The following SFMBT2 variants were observed in gnomAD, a reference collection of about 807,000 sequenced individuals.
SFMBT2 encodes Scm like with four mbt domains 2, also known as scm-like with four MBT domains protein 2.
In SFMBT2, 38 loss-of-function variants were observed where a neutral mutation model predicts 110.1. That is an observed-to-expected ratio of 0.35 (90% CI 0.27 to 0.45). The LOEUF is 0.45. SFMBT2 is among the 20% of genes least tolerant of loss of function. The pLI is 1.00. For missense variants in SFMBT2, 1,011 were observed against 1,094.9 expected, an observed-to-expected ratio of 0.92 and a Z score of 1.08; for synonymous variants, 425 against 425.4, an observed-to-expected ratio of 1.00 and a Z score of 0.01.
chr10:7,381,169 A>G (rs1256746695), intron 2 of SFMBT2, among the ~76,000 whole-genome samples: 2 of 152,138 alleles, frequency 1.3e-5, no homozygotes, highest in Non-Finnish European at 2.9e-5. Flanking sequence ...TCTGTTTTTC[A>G]GATTTCTGGA....
At chr10:7,254,428 AG>A in intron 7 of SFMBT2, among the ~76,000 whole-genome samples, 1 of 152,304 alleles carries the variant, frequency 6.6e-6, no homozygotes, top group Non-Finnish European at 1.5e-5. Context: ...TTTTACTTCT[AG>A]CATATAAAAA....
intron 10 of SFMBT2, among the ~76,000 whole-genome samples, chr10:7,226,370 T>TTTGAC (rs1839895950): frequency 6.6e-6 from 1 of 152,230 alleles, no homozygotes; most frequent in South Asian, 2.1e-4. Flanking sequence ...AAACTCTGAT[T>TTTGAC]TTGACTTGCA....
chr10:7,406,003 T>A (rs139309137), intron 1 of SFMBT2, among the ~76,000 whole-genome samples: 3 of 151,694 alleles, frequency 2.0e-5, no homozygotes, highest in Non-Finnish European at 4.4e-5. Context: ...TGAGGCAACA[T>A]AGATATAAGA....
intron 7 of SFMBT2, among the ~76,000 whole-genome samples, chr10:7,271,028 T>C (rs556114276): frequency 1.3e-5 from 2 of 152,176 alleles, no homozygotes; most frequent in Non-Finnish European, 2.9e-5. Flanking sequence ...CTCACGCCTA[T>C]AAATCCAGCA....
chr10:7,404,697 A>G (rs1044866688), intron 1 of SFMBT2, among the ~76,000 whole-genome samples: 2 of 152,244 alleles, frequency 1.3e-5, no homozygotes, highest in African/African-American at 4.8e-5. Flanking sequence ...ATCTCATCAC[A>G]TGAATGGAAG....
rs748824308 is a variant in SFMBT2, at chr10:7,367,618, G to T, written c.436+31C>A. On this transcript the variant is annotated intron_variant, in intron 4 of 20. Transcript: ENST00000397167. The surrounding 1 kb of genome is among the most constrained non-coding windows in gnomAD (Gnocchi z 6.2). ...CAGGCGTCATGAAGGATGGCGGCTC[G>T]TAAATCGAAGCCTTTGAAACAGGGG... is the stretch of plus-strand genomic sequence containing the variant. 1.9e-6 allele frequency: 3 copies of T among 1,593,860 alleles called. No homozygotes were observed. Among genetic ancestry groups the T allele is most frequent in the South Asian group, 1.1e-5 (1 of 89,808 alleles).
chr10:7,253,575 T>G (rs1588387514), intron 7 of SFMBT2, among the ~76,000 whole-genome samples: 1 of 152,288 alleles, frequency 6.6e-6, no homozygotes, highest in East Asian at 1.9e-4. Context: ...AATGCATCTG[T>G]TTTTCCTTCC....
At chr10:7,206,809 G>T in intron 11 of SFMBT2, 1 of 941,730 alleles carries the variant, frequency 1.1e-6, no homozygotes, top group Non-Finnish European at 1.3e-6. Flanking sequence ...CAAATCAATA[G>T]TTAAGAAAAA....
chr10:7,312,714 T>C (rs980775318), intron 4 of SFMBT2, among the ~76,000 whole-genome samples: 2 of 152,250 alleles, frequency 1.3e-5, no homozygotes, highest in Non-Finnish European at 1.5e-5. Context: ...GTGATCTTCC[T>C]AAGGGGCGTT....
At chr10:7,180,757 T>A (rs750698596) in intron 16 of SFMBT2, among the ~76,000 whole-genome samples, 1 of 151,978 alleles carries the variant, frequency 6.6e-6, no homozygotes, top group Non-Finnish European at 1.5e-5. Flanking sequence ...GGCCGTCGCA[T>A]GTGGGGACAG....
intron 1 of SFMBT2, among the ~76,000 whole-genome samples, chr10:7,404,634 A>T (rs1846165115): frequency 6.6e-6 from 1 of 152,248 alleles, no homozygotes; most frequent in South Asian, 2.1e-4. Context: ...TGAGAAAGGA[A>T]TGAAACAGAA....
At chr10:7,341,353 T>C (rs997253122) in intron 4 of SFMBT2, among the ~76,000 whole-genome samples, 1 of 152,184 alleles carries the variant, frequency 6.6e-6, no homozygotes, top group South Asian at 2.1e-4. Context: ...ACCTACTACA[T>C]TTAAATCTAA....
At chr10:7,205,439 A>G (rs1839097708) in intron 12 of SFMBT2, 3 of 985,352 alleles carry the variant, frequency 3.0e-6, no homozygotes, top group Non-Finnish European at 3.6e-6. Context: ...ACCAATTAAG[A>G]TTCTGTTAGG....
intron 7 of SFMBT2, among the ~76,000 whole-genome samples, chr10:7,249,817 T>C (rs944078931): frequency 2.0e-5 from 3 of 152,302 alleles, no homozygotes; most frequent in Non-Finnish European, 2.9e-5. Context: ...TAAACGCCTA[T>C]AGAACTGCAT....
chr10:7,272,124 C>T (rs1841604692), intron 7 of SFMBT2, among the ~76,000 whole-genome samples: 2 of 152,184 alleles, frequency 1.3e-5, no homozygotes, highest in Admixed American at 1.3e-4. Flanking sequence ...TCAGCATGTC[C>T]AGGAAGGATG....
At chr10:7,393,035 A>ATATATATATAT (rs1491369242) in intron 1 of SFMBT2, among the ~76,000 whole-genome samples, 2 of 20,338 alleles carry the variant, frequency 9.8e-5, no homozygotes, top group Admixed American at 4.7e-4. Flanking sequence ...ATATATATAT[A>ATATATATATAT]ATTTTTTTTT....
chr10:7,358,385 A>ATGGAGG (rs1844594600), intron 4 of SFMBT2, among the ~76,000 whole-genome samples: 1 of 152,122 alleles, frequency 6.6e-6, no homozygotes, highest in South Asian at 2.1e-4. Flanking sequence ...TGGCCCTAGA[A>ATGGAGG]CATCTGCATG....
intron 4 of SFMBT2, among the ~76,000 whole-genome samples, chr10:7,289,218 T>C (rs1411430997): frequency 6.6e-6 from 1 of 152,136 alleles, no homozygotes; most frequent in Non-Finnish European, 1.5e-5. Flanking sequence ...GCATTTCCTA[T>C]CCCATTACAA....
At chr10:7,297,532 G>C (rs975839860) in intron 4 of SFMBT2, among the ~76,000 whole-genome samples, 6 of 152,018 alleles carry the variant, frequency 3.9e-5, no homozygotes, top group African/African-American at 1.5e-4. Context: ...GGAGGGAAAG[G>C]GCGAATGGGA....
Sources: allele counts gnomAD v4.1 joint callset (sites outside exome capture counted in the v4.1 genomes callset), GRCh38; gene constraint gnomAD v4.1.1; non-coding constraint Gnocchi (gnomAD v3.1); transcripts MANE v1.5; gene names NCBI Gene and HGNC (gene_info 2026-07-23, HGNC 2026-07-21).